JPH3: variants seen among roughly 807,000 people sequenced by gnomAD.
JPH3 encodes the protein junctophilin-3.
JPH3 carries 11 observed loss-of-function variants against 59.6 expected under a neutral mutation model. The ratio of observed to expected loss-of-function variants is 0.18; its 90% CI spans 0.12 to 0.31. The LOEUF is 0.31. JPH3 is among the 10% of genes least tolerant of loss of function. The pLI is 1.00. For missense variants in JPH3, 1,202 were observed against 1,105.7 expected (o/e 1.09, Z -1.24); for synonymous variants, 673 against 483.6 (o/e 1.39, Z -5.14).
At chr16:87,676,505 G>A (rs185085313) in intron 2 of JPH3, among the ~76,000 whole-genome samples, 13 of 152,286 alleles carry the variant, frequency 8.5e-5, no homozygotes, top group Non-Finnish European at 1.5e-4. Context: ...GGAGGCAGAC[G>A]CAGGTGGATC....
At chr16:87,684,013 G>A in intron 2 of JPH3, 129 bp from the exon 3 acceptor site, 1 of 645,782 alleles carries the variant, frequency 1.5e-6, no homozygotes, top group Non-Finnish European at 2.8e-6. Context: ...GAAGTCTGAG[G>A]GTAAACATGG....
chr16:87,680,553 G>T (rs2033263384), intron 2 of JPH3, among the ~76,000 whole-genome samples: 1 of 152,244 alleles, frequency 6.6e-6, no homozygotes, highest in Non-Finnish European at 1.5e-5. Context: ...AAGAAAGGCG[G>T]GATCTGTAAC....
rs187756852 is a variant in JPH3 at position 87,653,534 on chromosome 16, C to T, written c.1160+8499C>T. The T allele has an allele frequency of 3.9e-5, 6 of 152,234 alleles. No individual in the cohort carries two copies. The East Asian group carries it at 1.2e-3, about 29-fold the overall frequency. 9.4% of individuals were successfully genotyped at this position (152,234 alleles called of 1,614,324 possible). On this transcript the variant is annotated intron_variant, in intron 2 of 4. Transcript: ENST00000284262. Reference sequence around the variant, plus strand: ...GTCTAGGAAATGCAGCCTTTAAGGACCTGAAATGGAGGGGGATATTTTTAG... The same window carrying T: ...GTCTAGGAAATGCAGCCTTTAAGGATCTGAAATGGAGGGGGATATTTTTAG...
intron 2 of JPH3, among the ~76,000 whole-genome samples, chr16:87,674,410 T>C (rs1043443647): frequency 1.3e-5 from 2 of 152,116 alleles, no homozygotes; most frequent in African/African-American, 4.8e-5. Context: ...GTTTCTAGCA[T>C]GTGAGAGTGT....
intron 1 of JPH3, 129 bp downstream of exon 1, chr16:87,603,657 G>A: frequency 4.9e-6 from 6 of 1,212,894 alleles, no homozygotes; most frequent in Non-Finnish European, 6.8e-6. Flanking sequence ...GCCTTTCCCG[G>A]GCTTCCCTGG....
chr16:87,669,052 A>C (rs929504346), intron 2 of JPH3, among the ~76,000 whole-genome samples: 1 of 151,994 alleles, frequency 6.6e-6, no homozygotes, highest in Non-Finnish European at 1.5e-5. Context: ...TTAGTAAGGA[A>C]ATCGCCGCTG....
At chr16:87,679,638 C>T (rs927138634) in intron 2 of JPH3, among the ~76,000 whole-genome samples, 13 of 152,228 alleles carry the variant, frequency 8.5e-5, no homozygotes, top group Non-Finnish European at 1.6e-4. Context: ...AGCTGGTGTT[C>T]GCTGTCCGGG....
chr16:87,605,364 G>T (rs889432760), intron 1 of JPH3, among the ~76,000 whole-genome samples: 19 of 152,174 alleles, frequency 1.2e-4, no homozygotes, highest in African/African-American at 4.6e-4. Context: ...TGTTTGCTAT[G>T]AGCCAGGTGT....
intron 2 of JPH3, among the ~76,000 whole-genome samples, chr16:87,656,392 C>T (rs904055145): frequency 1.6e-4 from 24 of 152,176 alleles, no homozygotes; most frequent in Admixed American, 1.1e-3. Flanking sequence ...CAGTCCATGG[C>T]ATTTGTTGGG....
At chr16:87,663,954 T>C (rs2032781486) in intron 2 of JPH3, among the ~76,000 whole-genome samples, 1 of 152,174 alleles carries the variant, frequency 6.6e-6, no homozygotes, top group South Asian at 2.1e-4. Flanking sequence ...GACGTCGAGT[T>C]GTGGTGGAAT....
At chr16:87,657,513 A>T (rs2032544891) in intron 2 of JPH3, among the ~76,000 whole-genome samples, 1 of 152,218 alleles carries the variant, frequency 6.6e-6, no homozygotes, top group Non-Finnish European at 1.5e-5. Flanking sequence ...AATGCCACTG[A>T]ACTGTGAACT....
intron 4 of JPH3, among the ~76,000 whole-genome samples, chr16:87,691,350 C>T (rs2033568154): frequency 6.6e-6 from 1 of 152,226 alleles, no homozygotes; most frequent in African/African-American, 2.4e-5. Flanking sequence ...AGGATCTGCG[C>T]ACGGCCAGGC....
chr16:87,684,319 G>C (rs1385712584), intron 3 of JPH3, 53 bp downstream of exon 3: 27 of 1,599,144 alleles, frequency 1.7e-5, no homozygotes, highest in Non-Finnish European at 2.3e-5. Context: ...TGCGTGGATG[G>C]CTGGGCAGTC....
At chr16:87,655,884 C>T (rs1017045614) in intron 2 of JPH3, among the ~76,000 whole-genome samples, 10 of 152,180 alleles carry the variant, frequency 6.6e-5, no homozygotes, top group South Asian at 2.1e-4. Context: ...GCCCTGAGTC[C>T]GCTCAGGGGT....
intron 1 of JPH3, among the ~76,000 whole-genome samples, chr16:87,637,224 A>T (rs1445986537): frequency 6.6e-6 from 1 of 152,214 alleles, no homozygotes; most frequent in East Asian, 1.9e-4. Context: ...CACATTTTAC[A>T]ATATGCAATT....
At position 87,640,683 on chromosome 16, in the gene JPH3, C is replaced by A. The variant is rs570063825; in HGVS notation, c.383-3575C>A. On this transcript the variant is annotated intron_variant, in intron 1 of 4. Transcript: ENST00000284262. The stretch of plus-strand genomic sequence containing the variant: ...GCTGGGATTACAAGCATGAGCCACC[C>A]CACCCAGCCAACAAACGCTTTTTAA... Among the ~76,000 whole-genome samples, 3 of 152,240 alleles carry A rather than the reference C, an allele frequency of 2.0e-5. No homozygotes were observed. In the East Asian group the frequency reaches 5.8e-4, roughly 30 times the overall value.
Position 87,696,683 on chromosome 16 carries a change from TAGAGAAAGGGTAGAAA to T in JPH3, c.*25_*40del. On this transcript the variant is annotated 3_prime_UTR_variant, in exon 5 of 5. Transcript: ENST00000284262. ...TGATGAGATGTCGCGGTAGCAAAAA[TAGAGAAAGGGTAGAAA>T]AAAGGGACATTAAAATTAAAAGCAA... is the stretch of plus-strand genomic sequence containing the variant. 6.3e-7 allele frequency: 1 copy of T among 1,585,994 alleles called. No individual in the cohort carries two copies. The highest frequency in any genetic ancestry group is 8.7e-7 in the Non-Finnish European group (1 of 1,155,550).
At chr16:87,627,620 C>G (rs2031425605) in intron 1 of JPH3, among the ~76,000 whole-genome samples, 1 of 152,184 alleles carries the variant, frequency 6.6e-6, no homozygotes, top group Admixed American at 6.5e-5. Context: ...CTCCCAGGCT[C>G]TCATCCCTTT....
chr16:87,655,438 C>T lies in JPH3; in HGVS notation c.1160+10403C>T, dbSNP rs1403643987. ...GTACGATCATAGCCCACTGCAGCCTCGATCTCCTGAGCTCAAACGATCCTC... is the reference window on the plus strand; with the variant it reads ...GTACGATCATAGCCCACTGCAGCCTTGATCTCCTGAGCTCAAACGATCCTC... On this transcript the variant is annotated intron_variant, in intron 2 of 4. Coordinates refer to ENST00000284262, the MANE Select transcript of JPH3 (RefSeq NM_020655.4). 4.6e-5 allele frequency among the ~76,000 whole-genome samples: 7 copies of T among 152,290 alleles called. No individual in the cohort carries two copies. The South Asian group carries it at 8.3e-4, about 18-fold the overall frequency.
Sources: gnomAD v4.1 joint callset for allele counts (sites outside exome capture counted in the v4.1 genomes callset) on GRCh38, gnomAD v4.1.1 for gene constraint, MANE v1.5 for transcripts, NCBI Gene and HGNC (gene_info 2026-07-23, HGNC 2026-07-21) for gene names.